ANKIB1: variants seen among roughly 807,000 people sequenced by gnomAD.
ANKIB1 encodes ankyrin repeat and IBR domain containing 1.
In ANKIB1, 43 loss-of-function variants were observed where a neutral mutation model predicts 122.1. The ratio of observed to expected loss-of-function variants is 0.35; its 90% CI spans 0.28 to 0.45. The LOEUF is 0.45. Among genes scored for constraint, ANKIB1 ranks in the 20% least tolerant of loss-of-function variants. The pLI is 1.00. For missense variants in ANKIB1, 992 were observed against 1,329.5 expected, an observed-to-expected ratio of 0.75 and a Z score of 3.95; for synonymous variants, 390 against 442.0, an observed-to-expected ratio of 0.88 and a Z score of 1.48.
chr7:92,308,837 A>G (rs780711594), intron 3 of ANKIB1, among the ~76,000 whole-genome samples: 57 of 152,294 alleles, frequency 3.7e-4, no homozygotes, highest in Non-Finnish European at 5.6e-4. Context: ...AGTATGTGTG[A>G]GGAGCATATT....
intron 2 of ANKIB1, 59 bp from the exon 3 acceptor site, chr7:92,307,299 AT>A (rs1383661266): frequency 6.1e-6 from 9 of 1,465,646 alleles, no homozygotes; most frequent in Non-Finnish European, 8.3e-6. Context: ...TCTTCAATGT[AT>A]TTCAAGGTAG....
intron 5 of ANKIB1, among the ~76,000 whole-genome samples, chr7:92,335,395 G>T (rs979277350): frequency 4.0e-4 from 61 of 151,886 alleles, no homozygotes; most frequent in African/African-American, 1.4e-3. Context: ...GTTAATTAAG[G>T]TCAGTAGTGT....
intron 1 of ANKIB1, among the ~76,000 whole-genome samples, chr7:92,279,666 T>C (rs1056801817): frequency 6.6e-6 from 1 of 152,190 alleles, no homozygotes; most frequent in South Asian, 2.1e-4. Context: ...TCAGACAGCA[T>C]GAGGTTTTAG....
intron 18 of ANKIB1, among the ~76,000 whole-genome samples, chr7:92,396,837 G>A (rs1804906308): frequency 6.6e-6 from 1 of 152,150 alleles, no homozygotes; most frequent in African/African-American, 2.4e-5. Flanking sequence ...ACCTAGTGAA[G>A]CACTCAGTTA....
chr7:92,363,902 T>C (rs1003743373), intron 10 of ANKIB1, among the ~76,000 whole-genome samples: 1 of 152,232 alleles, frequency 6.6e-6, no homozygotes, highest in Non-Finnish European at 1.5e-5. Context: ...CTTTCACTTG[T>C]TGCGAAGGCT....
intron 11 of ANKIB1, among the ~76,000 whole-genome samples, chr7:92,380,115 G>T (rs1275481681): frequency 1.3e-5 from 2 of 152,156 alleles, no homozygotes; most frequent in African/African-American, 4.8e-5. Flanking sequence ...GGCTCAGCAG[G>T]TCCCACACCC....
chr7:92,269,525 T>C lies in ANKIB1; in HGVS notation c.-91+23006T>C, dbSNP rs183375533. ...TGAATTTGTGAAGAATATTTAAGTA[T>C]GTGATTTTTTAAGAAAGCTCTGTAA... On this transcript the variant is annotated intron_variant, in intron 1 of 19. Transcript: ENST00000265742. Among the ~76,000 whole-genome samples the C allele has an allele frequency of 4.0e-3, 601 of 151,886 alleles. 3 individuals are homozygous for C. The highest frequency in any genetic ancestry group is 0.014 in the African/African-American group (561 of 41,106).
chr7:92,266,930 C>T (rs1441580779), intron 1 of ANKIB1, among the ~76,000 whole-genome samples: 5 of 152,134 alleles, frequency 3.3e-5, no homozygotes, highest in Admixed American at 6.6e-5. Flanking sequence ...TTCCAATGCC[C>T]ACCTTCATTA....
chr7:92,327,425 A>G (rs937871510), intron 4 of ANKIB1, among the ~76,000 whole-genome samples: 2 of 152,240 alleles, frequency 1.3e-5, no homozygotes, highest in Non-Finnish European at 2.9e-5. Context: ...ACCAAAACCC[A>G]CAGATACTCA....
intron 2 of ANKIB1, among the ~76,000 whole-genome samples, chr7:92,306,061 C>A (rs1802555818): frequency 7.4e-6 from 1 of 135,132 alleles, no homozygotes; most frequent in African/African-American, 2.7e-5. Context: ...CTCTGGTCTC[C>A]AAGAGGGGAG....
intron 5 of ANKIB1, among the ~76,000 whole-genome samples, chr7:92,336,064 G>T (rs1025036939): frequency 6.6e-6 from 1 of 151,892 alleles, no homozygotes; most frequent in African/African-American, 2.4e-5. Flanking sequence ...TATGTACATT[G>T]CCCCATCCCT....
rs34404682 is a variant in ANKIB1 at position 92,290,370 on chromosome 7, A to AGTGTGTGTGTGTGT, written c.-90-4498_-90-4485dup. Among the ~76,000 whole-genome samples, 38 of 141,412 alleles carry AGTGTGTGTGTGTGT rather than the reference A, an allele frequency of 2.7e-4. No individual in the cohort carries two copies. In the East Asian group the frequency reaches 3.9e-3, roughly 15 times the overall value. 92.8% of individuals were successfully genotyped at this position (141,412 alleles called of 152,430 possible). On this transcript the variant is annotated intron_variant, in intron 1 of 19. Transcript: ENST00000265742. ...AGACTAAATTGAGTATATGTATGAA[A>AGTGTGTGTGTGTGT]GTGTGTGTGTGTGTGTGTGTGTGTG...
intron 2 of ANKIB1, among the ~76,000 whole-genome samples, chr7:92,303,294 C>G (rs1372454148): frequency 6.6e-6 from 1 of 152,170 alleles, no homozygotes; most frequent in Non-Finnish European, 1.5e-5. Context: ...AATTTGAAAT[C>G]TAAATGCTCA....
intron 5 of ANKIB1, among the ~76,000 whole-genome samples, chr7:92,332,992 C>T (rs140641084): frequency 1.3e-5 from 2 of 152,286 alleles, no homozygotes; most frequent in Non-Finnish European, 2.9e-5. Context: ...ACCAGCCAAC[C>T]AACTGGGTAT....
chr7:92,290,768 A>G (rs901175448), intron 1 of ANKIB1, among the ~76,000 whole-genome samples: 2 of 152,144 alleles, frequency 1.3e-5, no homozygotes, highest in Admixed American at 1.3e-4. Context: ...GTTGGGAGAC[A>G]GAGATTTGAA....
chr7:92,339,016 A>G (rs1385397224), intron 5 of ANKIB1, among the ~76,000 whole-genome samples: 1 of 136,198 alleles, frequency 7.3e-6, no homozygotes, highest in Non-Finnish European at 1.6e-5. Flanking sequence ...CAAGGACACA[A>G]GAATTAATTT....
intron 1 of ANKIB1, among the ~76,000 whole-genome samples, chr7:92,278,100 A>G (rs77585083): frequency 1.3e-5 from 2 of 151,122 alleles, no homozygotes; most frequent in Non-Finnish European, 3.0e-5. Context: ...AAAAAAAAAA[A>G]GTTACCCAGG....
chr7:92,308,243 T>C (rs1447539567), intron 3 of ANKIB1, among the ~76,000 whole-genome samples: 4 of 152,170 alleles, frequency 2.6e-5, no homozygotes, highest in African/African-American at 9.7e-5. Flanking sequence ...CAATCACTTT[T>C]GTAGTAAAGT....
intron 1 of ANKIB1, among the ~76,000 whole-genome samples, chr7:92,288,629 A>G (rs1210361442): frequency 2.0e-5 from 3 of 152,230 alleles, no homozygotes; most frequent in Non-Finnish European, 4.4e-5. Context: ...TTACATTTCT[A>G]ACAAAGGACT....
Sources: allele counts gnomAD v4.1 joint callset (sites outside exome capture counted in the v4.1 genomes callset), GRCh38; gene constraint gnomAD v4.1.1; transcripts MANE v1.5; gene names NCBI Gene and HGNC (gene_info 2026-07-23, HGNC 2026-07-21).